Variants in STX3 observed in about 807,000 individuals in gnomAD.
STX3 encodes the protein syntaxin-3.
STX3 carries 19 observed loss-of-function variants against 40.2 expected under a neutral mutation model. The ratio of observed to expected loss-of-function variants is 0.47; its 90% CI spans 0.33 to 0.69. The LOEUF (loss-of-function observed/expected upper bound fraction) is 0.69. STX3 is among the 30% of genes least tolerant of loss of function. The pLI, the probability that STX3 is intolerant of heterozygous loss-of-function variation, is 0.02. For synonymous variants in STX3, 122 were observed against 132.2 expected, an observed-to-expected ratio of 0.92 and a Z score of 0.53; for missense variants, 364 against 366.7, an observed-to-expected ratio of 0.99 and a Z score of 0.06.
At chr11:59,773,894 C>A (rs929005934) in intron 2 of STX3, among the ~76,000 whole-genome samples, 2 of 150,480 alleles carry the variant, frequency 1.3e-5, no homozygotes, top group East Asian at 3.9e-4. Flanking sequence ...CACTTGAATC[C>A]GGGAGGTGGA....
chr11:59,788,969 CA>C (rs779367413), intron 4 of STX3, 22 bp downstream of exon 4: 6 of 1,593,138 alleles, frequency 3.8e-6, no homozygotes, highest in Non-Finnish European at 5.1e-6. Flanking sequence ...ACAAAGAAAA[CA>C]AGGCCGTCCC....
At chr11:59,764,199 A>G (rs1863175545) in intron 1 of STX3, among the ~76,000 whole-genome samples, 1 of 152,238 alleles carries the variant, frequency 6.6e-6, no homozygotes, top group African/African-American at 2.4e-5. Flanking sequence ...CTCCTGAGAC[A>G]TCTAGTGTCA....
chr11:59,758,143 A>G (rs506384), intron 1 of STX3, among the ~76,000 whole-genome samples: 8,113 of 152,198 alleles, frequency 0.053, 493 homozygotes, highest in Admixed American at 0.14. Context: ...CAAAGAGAAC[A>G]TGTGGGGTTG....
chr11:59,800,056 C>T lies in STX3; in HGVS notation c.*31-799C>T, dbSNP rs1425235726. 4.4e-5 allele frequency: 43 copies of T among 985,282 alleles called. No individual in the cohort carries two copies. The South Asian group carries it at 7.0e-4, about 16-fold the overall frequency. The allele number at this position is 985,282 out of a possible 1,614,324, so 61.0% of individuals were successfully genotyped here. A position where few individuals can be genotyped will look rare whatever the true frequency, so the allele number is the denominator to read the frequency against. ...AAGGTATATGAATCATTTTTCAGGA[C>T]GTAACTCCTCAAAGAGGAGCAGACT... On this transcript the variant is annotated intron_variant, in intron 10 of 10. Transcript: ENST00000337979.
intron 1 of STX3, among the ~76,000 whole-genome samples, chr11:59,763,195 C>T (rs1863124964): frequency 6.6e-6 from 1 of 152,172 alleles, no homozygotes; most frequent in Admixed American, 6.5e-5. Context: ...GTGATGAGAC[C>T]TTGAGATGCC....
At chr11:59,772,909 C>T (rs1371315113) in intron 1 of STX3, among the ~76,000 whole-genome samples, 1 of 151,464 alleles carries the variant, frequency 6.6e-6, no homozygotes, top group South Asian at 2.1e-4. Flanking sequence ...GATAAGGAAA[C>T]CTAGGCACAG....
At chr11:59,762,420 G>T (rs1357449787) in intron 1 of STX3, among the ~76,000 whole-genome samples, 1 of 152,254 alleles carries the variant, frequency 6.6e-6, no homozygotes, top group African/African-American at 2.4e-5. Flanking sequence ...ATCCCCAGAA[G>T]ACTGGCCTAG....
chr11:59,796,724 A>G (rs1865537257), intron 9 of STX3, among the ~76,000 whole-genome samples: 2 of 152,236 alleles, frequency 1.3e-5, no homozygotes, highest in Admixed American at 1.3e-4. Flanking sequence ...CTATCTGTCC[A>G]CATATACAGA....
chr11:59,773,676 T>C (rs1366558472), intron 2 of STX3, among the ~76,000 whole-genome samples: 1 of 152,138 alleles, frequency 6.6e-6, no homozygotes. Flanking sequence ...ATACATCAAA[T>C]GTGTAGTTTT....
chr11:59,775,588 G>T (rs534765285), intron 2 of STX3, among the ~76,000 whole-genome samples: 4 of 152,142 alleles, frequency 2.6e-5, no homozygotes, highest in Non-Finnish European at 5.9e-5. Flanking sequence ...CAAGCATTTC[G>T]TAGCAGTGTA....
In STX3 at chr11:59,801,938, C is replaced by G. The variant is rs1480334806; in HGVS notation, c.*1114C>G. 4.1e-6 allele frequency: 4 copies of G among 985,222 alleles called. No homozygotes were observed. The African/African-American group carries it at 5.2e-5, about 13-fold the overall frequency. 61.0% of individuals were successfully genotyped at this position (985,222 alleles called of 1,614,324 possible). Reference sequence around the variant, plus strand: ...CCCATATCATCAAGAAACTTGTTTTCTGGATGAATACTGGGAGAATAAAAT... The same window carrying G: ...CCCATATCATCAAGAAACTTGTTTTGTGGATGAATACTGGGAGAATAAAAT... On this transcript the variant is annotated 3_prime_UTR_variant, in exon 11 of 11. Coordinates refer to ENST00000337979, the MANE Select transcript of STX3 (RefSeq NM_004177.5).
chr11:59,765,690 G>A (rs749467409), intron 1 of STX3, among the ~76,000 whole-genome samples: 7 of 152,172 alleles, frequency 4.6e-5, no homozygotes, highest in Non-Finnish European at 1.0e-4. Flanking sequence ...TGTAATCCCA[G>A]CTATTTGGAA....
At chr11:59,761,648 C>T (rs1180415257) in intron 1 of STX3, among the ~76,000 whole-genome samples, 1 of 152,172 alleles carries the variant, frequency 6.6e-6, no homozygotes, top group Non-Finnish European at 1.5e-5. Flanking sequence ...CCCATCTCCT[C>T]TCTCAGGGTA....
intron 1 of STX3, among the ~76,000 whole-genome samples, chr11:59,759,104 C>T (rs538218832): frequency 6.6e-6 from 1 of 152,106 alleles, no homozygotes. Context: ...CCAATCTGAC[C>T]TTTTCAGATA....
At chr11:59,774,599 G>A (rs747273977) in intron 2 of STX3, among the ~76,000 whole-genome samples, 3 of 152,176 alleles carry the variant, frequency 2.0e-5, no homozygotes, top group Non-Finnish European at 4.4e-5. Context: ...TTGGGGGGCC[G>A]AGGTGGGCGG....
rs574171106 is a variant in STX3, at chr11:59,784,990, T to G, written c.115-2047T>G. On this transcript the variant is annotated intron_variant, in intron 2 of 10. Coordinates refer to ENST00000337979, the MANE Select transcript of STX3 (RefSeq NM_004177.5). ...CAGTTGGAGTGTGGAGGGCACTATT[T>G]GCATGCTGTCCCTACCACTAGCTAT... 2.0e-5 allele frequency among the ~76,000 whole-genome samples: 3 copies of G among 152,296 alleles called. 1 individual carries two copies. The South Asian group carries it at 6.2e-4, about 32-fold the overall frequency.
intron 2 of STX3, among the ~76,000 whole-genome samples, chr11:59,784,292 A>G (rs760556528): frequency 1.3e-5 from 2 of 152,256 alleles, no homozygotes; most frequent in Non-Finnish European, 2.9e-5. Flanking sequence ...TTAAAATTTG[A>G]TAAACTCATT....
At chr11:59,793,347 G>A (rs756509238) in intron 7 of STX3, 33 bp from the exon 8 acceptor site, 1 of 1,605,602 alleles carries the variant, frequency 6.2e-7, no homozygotes, top group South Asian at 1.1e-5. Context: ...TTCTTGCAGG[G>A]GTAGCTAACA....
chr11:59,768,603 T>C (rs574369991), intron 1 of STX3, among the ~76,000 whole-genome samples: 1 of 152,214 alleles, frequency 6.6e-6, no homozygotes, highest in African/African-American at 2.4e-5. Flanking sequence ...GGAGATCAAG[T>C]TGATGAGCAG....
Sources: allele counts gnomAD v4.1 joint callset (sites outside exome capture counted in the v4.1 genomes callset), GRCh38; gene constraint gnomAD v4.1.1; transcripts MANE v1.5; gene names NCBI Gene and HGNC (gene_info 2026-07-23, HGNC 2026-07-21).